The following PRKD1 variants were observed in gnomAD, a reference collection of about 807,000 sequenced individuals.
PRKD1 encodes the protein protein kinase D1, also known as serine/threonine-protein kinase D1.
PRKD1 carries 63 observed loss-of-function variants against 95.9 expected under a neutral mutation model. The observed-to-expected ratio is 0.66, with a 90% CI of 0.54 to 0.81. PRKD1 has a LOEUF of 0.81. Ranked by LOEUF, PRKD1 falls within the 30% of genes least tolerant of loss-of-function variation. The pLI is 0.00. For missense variants in PRKD1, 1,048 were observed against 1,165.3 expected (o/e 0.90, Z 1.47); for synonymous variants, 425 against 423.1 (o/e 1.00, Z -0.05).
intron 1 of PRKD1, among the ~76,000 whole-genome samples, chr14:29,851,600 G>C (rs1396636437): frequency 6.6e-6 from 1 of 152,160 alleles, no homozygotes; most frequent in Non-Finnish European, 1.5e-5. Flanking sequence ...TAACAAGTCT[G>C]CAGAGAAAAT....
intron 1 of PRKD1, among the ~76,000 whole-genome samples, chr14:29,773,356 A>G (rs1391607257): frequency 6.6e-6 from 1 of 151,022 alleles, no homozygotes; most frequent in Admixed American, 6.6e-5. Flanking sequence ...GCTACTCGGG[A>G]GGCTGAGATA....
Position 29,924,639 on chromosome 14 carries a change from CACG to C in PRKD1, c.264+2607_264+2609del, listed in dbSNP as rs1418086592. Among the ~76,000 whole-genome samples, 3 of 152,326 alleles carry C rather than the reference CACG, an allele frequency of 2.0e-5. No individual in the cohort carries two copies. The East Asian group carries it at 5.8e-4, about 29-fold the overall frequency. On this transcript the variant is annotated intron_variant, in intron 1 of 17. Coordinates refer to ENST00000331968, the MANE Select transcript of PRKD1 (RefSeq NM_002742.3). ...GGAGAACCTTCTGCTGTAAGTTCCA[CACG>C]ACTTCAGCCCACATAGTAAATTGTA... is the stretch of plus-strand genomic sequence containing the variant.
chr14:29,719,212 G>A (rs1885769383), intron 2 of PRKD1, among the ~76,000 whole-genome samples: 1 of 152,046 alleles, frequency 6.6e-6, no homozygotes, highest in Non-Finnish European at 1.5e-5. Context: ...TCAGAATTGT[G>A]AACTTATGAT....
intron 1 of PRKD1, among the ~76,000 whole-genome samples, chr14:29,812,735 A>G (rs1344368897): frequency 6.6e-6 from 1 of 152,216 alleles, no homozygotes; most frequent in African/African-American, 2.4e-5. Flanking sequence ...CCTTCCCTCC[A>G]CACATGGGAA....
At chr14:29,614,909 G>A (rs1303604570) in intron 13 of PRKD1, among the ~76,000 whole-genome samples, 3 of 132,218 alleles carry the variant, frequency 2.3e-5, no homozygotes, top group Non-Finnish European at 4.6e-5. Flanking sequence ...ACAGGGTTTC[G>A]CCATGTTGCC....
chr14:29,721,570 C>A (rs1885898107), intron 2 of PRKD1, among the ~76,000 whole-genome samples: 1 of 152,062 alleles, frequency 6.6e-6, no homozygotes, highest in South Asian at 2.1e-4. Context: ...TTTGCTAAGG[C>A]TGAATTATCA....
chr14:29,693,627 C>CAAAAAAA (rs772835816), intron 2 of PRKD1, among the ~76,000 whole-genome samples: 2 of 81,554 alleles, frequency 2.5e-5, no homozygotes, highest in African/African-American at 4.2e-5. Context: ...TGACCTCAGT[C>CAAAAAAA]AAAAAAAAAA....
At chr14:29,688,948 C>CAAAAAA (rs377212196) in intron 2 of PRKD1, among the ~76,000 whole-genome samples, 12 of 32,460 alleles carry the variant, frequency 3.7e-4, no homozygotes, top group Non-Finnish European at 4.5e-4. Context: ...GACTCCGTCT[C>CAAAAAA]AAAAAAAAAA....
intron 4 of PRKD1, among the ~76,000 whole-genome samples, chr14:29,663,029 TC>T (rs1882267873): frequency 6.8e-6 from 1 of 147,440 alleles, no homozygotes; most frequent in Non-Finnish European, 1.5e-5. Context: ...ATTAACCATA[TC>T]CATAAGATAT....
At chr14:29,927,026 G>C (rs1895325176) in intron 1 of PRKD1, among the ~76,000 whole-genome samples, 2 of 152,078 alleles carry the variant, frequency 1.3e-5, no homozygotes, top group Admixed American at 1.3e-4. Context: ...AGAGAAATCG[G>C]TGAATAGAGG....
chr14:29,607,559 C>T (rs1328427930), intron 13 of PRKD1, among the ~76,000 whole-genome samples: 3 of 152,178 alleles, frequency 2.0e-5, no homozygotes, highest in Non-Finnish European at 4.4e-5. Context: ...GTGAGCCAAG[C>T]GTCTCTCTCA....
intron 1 of PRKD1, among the ~76,000 whole-genome samples, chr14:29,787,240 G>A: frequency 1.6e-5 from 2 of 127,284 alleles, no homozygotes; most frequent in East Asian, 2.4e-4. Context: ...TTTTTTTTGA[G>A]GCCTAATATA....
At chr14:29,859,817 G>T (rs1286200339) in intron 1 of PRKD1, among the ~76,000 whole-genome samples, 1 of 151,870 alleles carries the variant, frequency 6.6e-6, no homozygotes, top group Non-Finnish European at 1.5e-5. Context: ...AAAAAGACGT[G>T]GAATTCTTCA....
intron 1 of PRKD1, among the ~76,000 whole-genome samples, chr14:29,767,411 G>A (rs952001160): frequency 6.6e-6 from 1 of 152,130 alleles, no homozygotes; most frequent in Non-Finnish European, 1.5e-5. Flanking sequence ...CTTATAAATA[G>A]TGTCAGTTGC....
At position 29,768,574 on chromosome 14, in the gene PRKD1, G is replaced by C. The variant is rs140851627; in HGVS notation, c.265-42900C>G. ...TAAAGATGACCACTGATGCTTCCAG[G>C]ATCCCCACATGTGTATCTGGCCTCA... is the stretch of plus-strand genomic sequence containing the variant. On this transcript the variant is annotated intron_variant, in intron 1 of 17. Coordinates refer to ENST00000331968, the MANE Select transcript of PRKD1 (RefSeq NM_002742.3). Among the ~76,000 whole-genome samples, 45 of 151,904 alleles carry C rather than the reference G, an allele frequency of 3.0e-4. No individual in the cohort carries two copies. In the East Asian group the frequency reaches 7.9e-3, roughly 27 times the overall value.
At chr14:29,608,728 G>C (rs1043096487) in intron 13 of PRKD1, among the ~76,000 whole-genome samples, 1 of 152,128 alleles carries the variant, frequency 6.6e-6, no homozygotes. Flanking sequence ...TAAGGGAAAG[G>C]CTGTGTGTTA....
intron 2 of PRKD1, among the ~76,000 whole-genome samples, chr14:29,673,532 T>G (rs551208144): frequency 6.6e-6 from 1 of 152,348 alleles, no homozygotes; most frequent in South Asian, 2.1e-4. Context: ...TGGACACTTC[T>G]GTCATAAAAT....
chr14:29,849,573 AC>A lies in PRKD1; in HGVS notation c.264+77675del, dbSNP rs375554975. On this transcript the variant is annotated intron_variant, in intron 1 of 17. Transcript: ENST00000331968. Reference sequence around the variant, plus strand: ...GTGAAGTAAAACAACAACAACAACAACAACAAAAAAAAAACTACCAATCAGA... The same window carrying A: ...GTGAAGTAAAACAACAACAACAACAAAACAAAAAAAAAACTACCAATCAGA... Among the ~76,000 whole-genome samples the A allele has an allele frequency of 2.9e-4, 40 of 139,682 alleles. 1 individual carries two copies. Among genetic ancestry groups the A allele is most frequent in the East Asian group, 1.8e-3 (8 of 4,342 alleles). 91.6% of individuals were successfully genotyped at this position (139,682 alleles called of 152,430 possible).
chr14:29,621,441 C>G (rs1312931334), intron 13 of PRKD1, among the ~76,000 whole-genome samples: 1 of 150,656 alleles, frequency 6.6e-6, no homozygotes, highest in Admixed American at 6.6e-5. Flanking sequence ...TCTTCCTTTC[C>G]TTTCCTTTCC....
Sources: allele counts gnomAD v4.1 joint callset (sites outside exome capture counted in the v4.1 genomes callset), GRCh38; gene constraint gnomAD v4.1.1; transcripts MANE v1.5; gene names NCBI Gene and HGNC (gene_info 2026-07-23, HGNC 2026-07-21).